The following FOXN3 variants were observed in gnomAD, a reference collection of about 807,000 sequenced individuals.
The protein encoded by FOXN3 is forkhead box N3.
In FOXN3, 7 loss-of-function variants were observed where a neutral mutation model predicts 38.4. That is an observed-to-expected ratio of 0.18 (90% CI 0.10 to 0.34). The LOEUF is 0.34. Among genes scored for constraint, FOXN3 ranks in the 10% least tolerant of loss-of-function variants. The pLI, the probability that FOXN3 is intolerant of heterozygous loss-of-function variation, is 1.00. For missense variants in FOXN3, 456 were observed against 613.4 expected (o/e 0.74, Z 2.71); for synonymous variants, 230 against 242.2 (o/e 0.95, Z 0.47).
chr14:89,433,917 T>C (rs1055880363), intron 1 of FOXN3, among the ~76,000 whole-genome samples: 48 of 128,644 alleles, frequency 3.7e-4, no homozygotes, highest in African/African-American at 1.3e-3. Flanking sequence ...TGTGCTTTTA[T>C]CAGAATTTTT....
chr14:89,336,339 C>CA (rs1888461456), intron 3 of FOXN3, among the ~76,000 whole-genome samples: 1 of 152,166 alleles, frequency 6.6e-6, no homozygotes, highest in Non-Finnish European at 1.5e-5. Flanking sequence ...ATTGTTTCCT[C>CA]ACCATTGCCA....
chr14:89,185,712 C>T (rs1325937964), intron 4 of FOXN3: 1 of 152,252 alleles, frequency 6.6e-6, no homozygotes, highest in East Asian at 1.9e-4. Flanking sequence ...AGAATACCCA[C>T]CCCTGAGGCT....
At chr14:89,304,106 G>T (rs2060253822) in intron 3 of FOXN3, among the ~76,000 whole-genome samples, 1 of 152,204 alleles carries the variant, frequency 6.6e-6, no homozygotes, top group Non-Finnish European at 1.5e-5. Context: ...ATGCAAACTT[G>T]AACAGAACCT....
intron 3 of FOXN3, chr14:89,291,491 C>A: frequency 1.7e-6 from 1 of 598,046 alleles, no homozygotes. Context: ...GACACTCTTG[C>A]TTACCCCGCC....
At chr14:89,419,273 G>GA (rs1199577545), upstream of FOXN3, 38 of 444,702 alleles carry the variant, frequency 8.5e-5, 1 homozygote, top group Admixed American at 8.7e-4. Context: ...TGAAATGGGG[G>GA]AAAAAATGCT....
At chr14:89,574,483 C>A (rs576483843) in intron 1 of FOXN3, among the ~76,000 whole-genome samples, 1 of 152,224 alleles carries the variant, frequency 6.6e-6, no homozygotes, top group South Asian at 2.1e-4. Context: ...TGCCTGCAAT[C>A]GCCTTCTACC....
rs1173938778 is a variant in FOXN3 at position 89,413,985 on chromosome 14, GAGA to G, written c.-14-1498_-14-1496del. Reference sequence around the variant, plus strand: ...AGGGATGGAGGAGGAGGAGGAGGAGGAGAAGAAGGAGGAGGGATGAATGAACAT... The same window carrying G: ...AGGGATGGAGGAGGAGGAGGAGGAGGAGAAGGAGGAGGGATGAATGAACAT... On this transcript the variant is annotated intron_variant, in intron 1 of 5. Coordinates refer to ENST00000557258, the MANE Select transcript of FOXN3 (RefSeq NM_005197.4). Among the ~76,000 whole-genome samples, 15 of 145,846 alleles carry G rather than the reference GAGA, an allele frequency of 1.0e-4. 1 individual carries two copies. Among genetic ancestry groups the G allele is most frequent in the East Asian group, 2.1e-4 (1 of 4,810 alleles).
chr14:89,416,274 T>C (rs926371338), intron 1 of FOXN3, among the ~76,000 whole-genome samples: 1 of 152,196 alleles, frequency 6.6e-6, no homozygotes, highest in Non-Finnish European at 1.5e-5. Flanking sequence ...TATCCCCATA[T>C]ACAGGGCAAT....
chr14:89,534,165 G>A (rs2139840450), intron 1 of FOXN3, among the ~76,000 whole-genome samples: 1 of 148,162 alleles, frequency 6.7e-6, no homozygotes, highest in South Asian at 2.2e-4. Context: ...GAGTGCAGTG[G>A]CTCTATCTCG....
chr14:89,516,559 GTTTTT>G (rs546187742), intron 1 of FOXN3, among the ~76,000 whole-genome samples: 22 of 129,618 alleles, frequency 1.7e-4, no homozygotes, highest in Admixed American at 4.0e-4. Flanking sequence ...GCTGCCAGTA[GTTTTT>G]TTTTTTTTTT....
intron 4 of FOXN3, among the ~76,000 whole-genome samples, chr14:89,222,186 G>C (rs1884488773): frequency 2.0e-5 from 3 of 152,212 alleles, no homozygotes; most frequent in African/African-American, 7.2e-5. Context: ...GTGGCACACA[G>C]AGCTCTCCAG....
At chr14:89,230,882 G>A in intron 4 of FOXN3, 1 of 455,842 alleles carries the variant, frequency 2.2e-6, no homozygotes, top group Non-Finnish European at 4.4e-6. Context: ...TGAAAAAATA[G>A]CTTTCATTTA....
intron 4 of FOXN3, chr14:89,190,584 A>C (rs1887916805): frequency 6.4e-6 from 4 of 625,782 alleles, no homozygotes; most frequent in Non-Finnish European, 8.3e-6. Flanking sequence ...AGCTATCCCA[A>C]AGGCGACTTT....
chr14:89,363,001 G>A (rs1889936064), intron 2 of FOXN3, among the ~76,000 whole-genome samples: 1 of 152,150 alleles, frequency 6.6e-6, no homozygotes, highest in South Asian at 2.1e-4. Flanking sequence ...TTTCCTTAAG[G>A]TGGGGAACCT....
chr14:89,218,933 G>A (rs927370246), intron 4 of FOXN3, among the ~76,000 whole-genome samples: 2 of 152,148 alleles, frequency 1.3e-5, no homozygotes, highest in East Asian at 1.9e-4. Context: ...TTCAGCACCC[G>A]CTAAGACTTT....
At chr14:89,185,392 A>G (rs557028485) in intron 4 of FOXN3, 2 of 152,362 alleles carry the variant, frequency 1.3e-5, no homozygotes, top group Admixed American at 6.5e-5. Context: ...ACTACTCTAC[A>G]TTAGGAAGCT....
intron 4 of FOXN3, among the ~76,000 whole-genome samples, chr14:89,277,243 G>A (rs946492718): frequency 1.9e-4 from 29 of 152,316 alleles, no homozygotes; most frequent in Middle Eastern, 3.4e-3. Flanking sequence ...CCGTAACACA[G>A]AGACACACAG....
In FOXN3 at chr14:89,164,248, T is replaced by C. The variant is rs942967562; in HGVS notation, c.852-1279A>G. ...AATACTTGCAGGAGAGGAGGGTCAC[T>C]TGTAGCTGAAGGGGACGAAGGGTGG... On this transcript the variant is annotated intron_variant, in intron 5 of 5. Coordinates refer to ENST00000557258, the MANE Select transcript of FOXN3 (RefSeq NM_005197.4). The surrounding 1 kb of genome is among the most constrained non-coding windows in gnomAD (Gnocchi z 4.3). Among the ~76,000 whole-genome samples the C allele has an allele frequency of 6.6e-5, 10 of 152,174 alleles. No individual in the cohort carries two copies. The highest frequency in any genetic ancestry group is 2.4e-4 in the African/African-American group (10 of 41,434).
intron 2 of FOXN3, among the ~76,000 whole-genome samples, chr14:89,402,414 C>G (rs750215873): frequency 1.1e-4 from 16 of 152,226 alleles, no homozygotes; most frequent in Non-Finnish European, 2.4e-4. Flanking sequence ...CAACACATCC[C>G]TGGGGTCCAG....
Sources: allele counts gnomAD v4.1 joint callset (sites outside exome capture counted in the v4.1 genomes callset), GRCh38; gene constraint gnomAD v4.1.1; non-coding constraint Gnocchi (gnomAD v3.1); transcripts MANE v1.5; gene names NCBI Gene and HGNC (gene_info 2026-07-23, HGNC 2026-07-21).